The following SPEG variants were observed in gnomAD, a reference collection of about 807,000 sequenced individuals.
The protein encoded by SPEG is striated muscle enriched protein kinase, also known as striated muscle preferentially expressed protein kinase.
A neutral mutation model predicts 300.4 loss-of-function variants in SPEG; 114 were observed. That is an observed-to-expected ratio of 0.38 (90% CI 0.33 to 0.44). SPEG has a LOEUF of 0.44. Among genes scored for constraint, SPEG ranks in the 20% least tolerant of loss-of-function variants. The pLI is 1.00. For synonymous variants in SPEG, 1,964 were observed against 2,018.9 expected (o/e 0.97, Z 0.73); for missense variants, 4,201 against 4,586.2 (o/e 0.92, Z 2.43).
chr2:219,489,531 T>C lies in SPEG; in HGVS notation c.8513T>C (p.Val2838Ala). 1 of 1,612,882 alleles carries C rather than the reference T, an allele frequency of 6.2e-7. No individual in the cohort carries two copies. The highest frequency in any genetic ancestry group is 8.5e-7 in the Non-Finnish European group (1 of 1,179,766). Residue 2838 changes from valine (V) to alanine (A), a missense_variant, in exon 36 of 41, where the codon GTG becomes GCG. Val to Ala is a moderately conservative substitution (Grantham distance 64). Around this residue, in one of 4 missense-constraint regions of SPEG, gnomAD observed 1,578 missense variants for 1,506.0 expected, o/e 1.05. Coordinates refer to ENST00000312358, the MANE Select transcript of SPEG (RefSeq NM_005876.5). ...CAGGCCTTGTCCTCGCTCAAGGCTG[T>C]GGGTCCACCACCCCAAACCCCTCCA... ...PSQALSSLKA[V>A]GPPPQTPPRR...
Position 219,464,970 on chromosome 2 carries a change from T to G in SPEG, c.2881+362T>G. On this transcript the variant is annotated intron_variant, in intron 9 of 40. Transcript: ENST00000312358. This position sits in a 1 kb window ranked among gnomAD's most constrained non-coding sequence, Gnocchi z 4.5. ...TGCCCAGGACCCTCCCTCATCCCCC[T>G]CCCCCTCTCCTCTCGCCCCTTTGCC... 5.2e-6 allele frequency: 1 copy of G among 193,502 alleles called. No individual in the cohort carries two copies. Among genetic ancestry groups the G allele is most frequent in the African/African-American group, 2.4e-5 (1 of 42,412 alleles). 12.0% of individuals were successfully genotyped at this position (193,502 alleles called of 1,614,324 possible).
In SPEG at chr2:219,477,266, C is replaced by T. The variant is rs1334075936; in HGVS notation, c.4561-11C>T. 5 of 1,605,690 alleles carry T rather than the reference C, an allele frequency of 3.1e-6. No homozygotes were observed. Among genetic ancestry groups the T allele is most frequent in the Non-Finnish European group, 4.2e-6 (5 of 1,177,404 alleles). On this transcript the variant is annotated splice_polypyrimidine_tract_variant and intron_variant, in intron 19 of 40. Coordinates refer to ENST00000312358, the MANE Select transcript of SPEG (RefSeq NM_005876.5). The surrounding 1 kb of genome is among the most constrained non-coding windows in gnomAD (Gnocchi z 6.4). ...CCAGGCCCAGGCTGAAGGTGAGACC[C>T]CACTCTGCAGGACGAGGTGCTGCTG...
In SPEG at chr2:219,485,491, T is replaced by G. The variant is rs1194554016; in HGVS notation, c.7741+14T>G. 6.5e-7 allele frequency: 1 copy of G among 1,543,712 alleles called. No homozygotes were observed. Among genetic ancestry groups the G allele is most frequent in the Non-Finnish European group, 8.7e-7 (1 of 1,142,920 alleles). Reference sequence around the variant, plus strand: ...GCAGTGAGTCAGGTAATAAGAGGCCTGCTGGGTGAGGACCCTCCTCCCCTC... The same window carrying G: ...GCAGTGAGTCAGGTAATAAGAGGCCGGCTGGGTGAGGACCCTCCTCCCCTC... On this transcript the variant is annotated intron_variant, in intron 31 of 40. Transcript: ENST00000312358.
chr2:219,490,434 T>TGCC lies in SPEG; in HGVS notation c.8949_8951dup (p.Arg2984dup). The TGCC allele has an allele frequency of 1.2e-6, 2 of 1,612,636 alleles. No individual in the cohort carries two copies. The highest frequency in any genetic ancestry group is 1.7e-6 in the Non-Finnish European group (2 of 1,179,880). On this transcript the variant is annotated inframe_insertion, in exon 37 of 41. Transcript: ENST00000312358. ...GGGCCGCTTTGGTGTTGTGCGAGCGTGCCGGGAGAATGCCACGGGGCGAAC... is the reference window on the plus strand; with the variant it reads ...GGGCCGCTTTGGTGTTGTGCGAGCGTGCCGCCGGGAGAATGCCACGGGGCGAAC...
chr2:219,453,428 G>A (rs561000093), intron 6 of SPEG, among the ~76,000 whole-genome samples: 3 of 152,364 alleles, frequency 2.0e-5, no homozygotes, highest in South Asian at 2.1e-4. Flanking sequence ...AGTTGTTAGC[G>A]TTATTAACGG....
chr2:219,493,465 C>G lies in SPEG; in HGVS notation c.*679C>G, dbSNP rs548081387. ...TGGCCCAAGGATGTCCCCACTGCCC[C>G]TCCATGGCCTCTGGCCTTCTTCCCA... On this transcript the variant is annotated 3_prime_UTR_variant, in exon 41 of 41. Coordinates refer to ENST00000312358, the MANE Select transcript of SPEG (RefSeq NM_005876.5). The G allele has an allele frequency of 2.3e-6, 1 of 436,634 alleles. No homozygotes were observed. Among genetic ancestry groups the G allele is most frequent in the East Asian group, 7.0e-5 (1 of 14,204 alleles). 27.0% of individuals were successfully genotyped at this position (436,634 alleles called of 1,614,324 possible).
At chr2:219,465,835 G>A (rs1436784344) in intron 9 of SPEG, 7 of 610,258 alleles carry the variant, frequency 1.1e-5, no homozygotes, top group East Asian at 2.9e-5. Context: ...GCATGCGTGC[G>A]TGTATGTGCA....
Position 219,477,980 on chromosome 2 carries a change from C to T in SPEG, c.4902C>T (p.Ser1634=), listed in dbSNP as rs759016750. ...AGTTTGCGGCCAAGTTCATCCCCAG[C>T]CAGGCCAAGCCAAAGGCATCAGCGC... is the stretch of plus-strand genomic sequence containing the variant. ...GLEFAAKFIP[S]QAKPKASARR... is the part of the protein sequence containing the mutation. The change falls in exon 22 of 41, where the codon AGC becomes AGT. Residue 1634 remains serine, a synonymous_variant. Coordinates refer to ENST00000312358, the MANE Select transcript of SPEG (RefSeq NM_005876.5). The surrounding 1 kb of genome is among the most constrained non-coding windows in gnomAD (Gnocchi z 6.4). The T allele has an allele frequency of 1.2e-6, 2 of 1,614,190 alleles. No homozygotes were observed. The highest frequency in any genetic ancestry group is 1.7e-5 in the Admixed American group (1 of 60,032).
chr2:219,435,485 C>T (rs962917944), intron 1 of SPEG, 120 bp downstream of exon 1: 49 of 1,165,978 alleles, frequency 4.2e-5, no homozygotes, highest in Non-Finnish European at 5.3e-5. Context: ...TCCCAGGTGC[C>T]CTGGCTTCTC....
chr2:219,480,171 A>G lies in SPEG; in HGVS notation c.5342+31A>G. The G allele has an allele frequency of 6.2e-7, 1 of 1,609,314 alleles. No individual in the cohort carries two copies. Among genetic ancestry groups the G allele is most frequent in the Non-Finnish European group, 8.5e-7 (1 of 1,176,998 alleles). On this transcript the variant is annotated intron_variant, in intron 25 of 40. Coordinates refer to ENST00000312358, the MANE Select transcript of SPEG (RefSeq NM_005876.5). The surrounding 1 kb of genome is among the most constrained non-coding windows in gnomAD (Gnocchi z 5.3). ...GCTGGCATGCTGGGCTGGGCCGACC[A>G]GGGCAGCTGCCCTTGGGGCTGTGCT...
rs1694109979 is a variant in SPEG, at chr2:219,492,916, G to T, written c.*130G>T. On this transcript the variant is annotated 3_prime_UTR_variant, in exon 41 of 41. Coordinates refer to ENST00000312358, the MANE Select transcript of SPEG (RefSeq NM_005876.5). ...ACCACCAGCAGCAACATCTGGCTGG[G>T]CTCTTACCTCATAGACCTTCAAGGA... The T allele has an allele frequency of 5.1e-6, 5 of 978,256 alleles. No homozygotes were observed. In the Admixed American group the frequency reaches 8.0e-5, roughly 16 times the overall value. 60.6% of individuals were successfully genotyped at this position (978,256 alleles called of 1,614,324 possible).
intron 15 of SPEG, 101 bp from the exon 16 acceptor site, chr2:219,472,789 T>C (rs548425482): frequency 1.1e-4 from 101 of 956,656 alleles, no homozygotes; most frequent in Non-Finnish European, 1.3e-4. Context: ...AGGCACGTCA[T>C]CAGAGCAGAC....
At position 219,448,751 on chromosome 2, in the gene SPEG, C is replaced by A; in HGVS notation, c.1593C>A (p.Gly531=). 1 of 1,469,206 alleles carries A rather than the reference C, an allele frequency of 6.8e-7. No homozygotes were observed. The allele number at this position is 1,469,206 out of a possible 1,614,324, so 91.0% of individuals were successfully genotyped here. A position where few individuals can be genotyped will look rare whatever the true frequency, so the allele number is the denominator to read the frequency against. ...GTGCCCCATCCCCTCGAGAGCCCGGCGAGCCCCCGCTCTTCTCTCGGCCCT... is the reference window on the plus strand; with the variant it reads ...GTGCCCCATCCCCTCGAGAGCCCGGAGAGCCCCCGCTCTTCTCTCGGCCCT... ...LQRAPSPREP[G]EPPLFSRPST... The change falls in exon 4 of 41, where the codon GGC becomes GGA. Residue 531 remains glycine, a synonymous_variant. Transcript: ENST00000312358.
intron 6 of SPEG, among the ~76,000 whole-genome samples, chr2:219,455,505 T>TGGCTA (rs1425746852): frequency 2.6e-5 from 4 of 152,224 alleles, no homozygotes; most frequent in Non-Finnish European, 5.9e-5. Context: ...TAGTCTCAGG[T>TGGCTA]GGCTAGTGGC....
At chr2:219,450,138 T>C (rs1298254539) in intron 4 of SPEG, among the ~76,000 whole-genome samples, 1 of 152,228 alleles carries the variant, frequency 6.6e-6, no homozygotes, top group Non-Finnish European at 1.5e-5. Flanking sequence ...TGCATTTAAG[T>C]ATTACCACCT....
intron 9 of SPEG, 28 bp from the exon 10 acceptor site, chr2:219,467,146 G>A (rs746280511): frequency 7.7e-6 from 12 of 1,552,274 alleles, no homozygotes; most frequent in African/African-American, 5.4e-5. Flanking sequence ...TGCTCTGTGC[G>A]TGGCCCCCGT....
chr2:219,466,107 G>A (rs756081972), intron 9 of SPEG: 59 of 1,591,028 alleles, frequency 3.7e-5, no homozygotes, highest in South Asian at 1.7e-4. Flanking sequence ...CCTCCGAGCC[G>A]CGCCCCTGTC....
Position 219,451,029 on chromosome 2 carries a change from T to C in SPEG, c.2114-107T>C. 1.7e-6 allele frequency: 2 copies of C among 1,171,764 alleles called. No individual in the cohort carries two copies. The highest frequency in any genetic ancestry group is 2.3e-6 in the Non-Finnish European group (2 of 858,484). The allele number at this position is 1,171,764 out of a possible 1,614,324, so 72.6% of individuals were successfully genotyped here. On this transcript the variant is annotated intron_variant, in intron 4 of 40. Transcript: ENST00000312358. This position sits in a 1 kb window ranked among gnomAD's most constrained non-coding sequence, Gnocchi z 6.4. ...CAAGTCCCTGCTTTCTAGAAGCCCC[T>C]CTGTCTGGGTTTGGCTTTCTAGGAT...
rs182099307 is a variant in SPEG at position 219,477,399 on chromosome 2, C to T, written c.4683C>T (p.Asn1561=). 20 of 1,606,684 alleles carry T rather than the reference C, an allele frequency of 1.2e-5. No homozygotes were observed. The African/African-American group carries it at 1.5e-4, about 12-fold the overall frequency. ...DGGVYTCTAQ[N]LAGEVSCKAE... is the part of the protein sequence containing the mutation. ...GCGTCTACACCTGCACCGCCCAGAACCTGGCGGGTGAGGTCTCCTGCAAAG... is the reference window on the plus strand; with the variant it reads ...GCGTCTACACCTGCACCGCCCAGAATCTGGCGGGTGAGGTCTCCTGCAAAG... Residue 1561 remains asparagine (N), a synonymous_variant, in exon 20 of 41, where the codon AAC becomes AAT. Coordinates refer to ENST00000312358, the MANE Select transcript of SPEG (RefSeq NM_005876.5). This position sits in a 1 kb window ranked among gnomAD's most constrained non-coding sequence, Gnocchi z 6.4.
Sources: gnomAD v4.1 joint callset for allele counts (sites outside exome capture counted in the v4.1 genomes callset) on GRCh38, gnomAD v4.1.1 for gene constraint, gnomAD v4.1.1 regional missense constraint, Gnocchi (gnomAD v3.1) non-coding constraint, MANE v1.5 for transcripts, NCBI Gene and HGNC (gene_info 2026-07-23, HGNC 2026-07-21) for gene names.